DSCAML1: variants seen among roughly 807,000 people sequenced by gnomAD.
DSCAML1 encodes cell adhesion molecule DSCAML1.
In DSCAML1, 38 loss-of-function variants were observed where a neutral mutation model predicts 200.5. That is an observed-to-expected ratio of 0.19 (90% CI 0.15 to 0.25). The LOEUF (loss-of-function observed/expected upper bound fraction) is 0.25, where lower values mean the gene tolerates loss of function less well. DSCAML1 is among the 10% of genes least tolerant of loss of function. The probability of loss-of-function intolerance (pLI) is 1.00; values close to 1 mark genes in which losing one functional copy is unlikely to be tolerated. For synonymous variants in DSCAML1, 1,215 were observed against 1,165.0 expected, an observed-to-expected ratio of 1.04 and a Z score of -0.87; for missense variants, 2,223 against 2,858.8, an observed-to-expected ratio of 0.78 and a Z score of 5.07.
At chr11:117,595,474 A>T (rs1452681366) in intron 3 of DSCAML1, among the ~76,000 whole-genome samples, 2 of 152,148 alleles carry the variant, frequency 1.3e-5, no homozygotes, top group African/African-American at 4.8e-5. Flanking sequence ...TTTATATTCC[A>T]ATGAGGGCTT....
At position 117,667,644 on chromosome 11, in the gene DSCAML1, C is replaced by T. The variant is rs557644992; in HGVS notation, c.511+109147G>A. Among the ~76,000 whole-genome samples the T allele has an allele frequency of 3.9e-4, 59 of 152,310 alleles. 1 individual carries two copies. Among genetic ancestry groups the T allele is most frequent in the African/African-American group, 1.4e-3 (59 of 41,554 alleles). ...TCCAGGACTCAGTTTCCCACTAGCC[C>T]CTCAGCCTGACTTCCTCCTCTGTTT... On this transcript the variant is annotated intron_variant, in intron 3 of 32. Coordinates refer to ENST00000651296, the MANE Select transcript of DSCAML1 (RefSeq NM_020693.4).
chr11:117,671,270 G>A lies in DSCAML1; in HGVS notation c.511+105521C>T, dbSNP rs548293085. Among the ~76,000 whole-genome samples the A allele has an allele frequency of 6.6e-5, 10 of 152,286 alleles. No homozygotes were observed. In the South Asian group the frequency reaches 1.5e-3, roughly 22 times the overall value. Reference sequence around the variant, plus strand: ...AGAAATCATGGAGCCCCAAACCCTCGCTTCATAGAGCAGCTTCCAGAGGCC... The same window carrying A: ...AGAAATCATGGAGCCCCAAACCCTCACTTCATAGAGCAGCTTCCAGAGGCC... On this transcript the variant is annotated intron_variant, in intron 3 of 32. Coordinates refer to ENST00000651296, the MANE Select transcript of DSCAML1 (RefSeq NM_020693.4).
At chr11:117,431,221 A>G (rs900905329) in intron 31 of DSCAML1, among the ~76,000 whole-genome samples, 188 bp from the exon 32 acceptor site, 3 of 152,196 alleles carry the variant, frequency 2.0e-5, no homozygotes, top group Middle Eastern at 3.2e-3. Flanking sequence ...GAAGGGCAGA[A>G]CACCTTTCAT....
intron 19 of DSCAML1, among the ~76,000 whole-genome samples, chr11:117,457,954 C>T (rs555800153): frequency 6.6e-5 from 10 of 152,310 alleles, no homozygotes; most frequent in Admixed American, 3.3e-4. Flanking sequence ...ACGGGGCACC[C>T]GGCCCAGAGC....
chr11:117,616,657 A>G (rs1347302631), intron 3 of DSCAML1, among the ~76,000 whole-genome samples: 1 of 152,218 alleles, frequency 6.6e-6, no homozygotes, highest in Non-Finnish European at 1.5e-5. Flanking sequence ...GGAGGGAGTT[A>G]GTGACTGGAA....
intron 3 of DSCAML1, among the ~76,000 whole-genome samples, chr11:117,571,603 A>G (rs558762664): frequency 6.6e-6 from 1 of 152,264 alleles, no homozygotes; most frequent in South Asian, 2.1e-4. Context: ...GCTATTTGAG[A>G]GGAAGGTGAA....
chr11:117,710,839 A>T (rs1447929326), intron 3 of DSCAML1, among the ~76,000 whole-genome samples: 3 of 152,204 alleles, frequency 2.0e-5, no homozygotes, highest in Non-Finnish European at 4.4e-5. Flanking sequence ...ACAAGTTGAC[A>T]ATCTAACTGG....
intron 3 of DSCAML1, among the ~76,000 whole-genome samples, chr11:117,588,545 G>GCAAA (rs1430223048): frequency 6.6e-6 from 1 of 152,194 alleles, no homozygotes; most frequent in African/African-American, 2.4e-5. Flanking sequence ...AGGTTATCAT[G>GCAAA]CAAACACACA....
chr11:117,466,290 G>T (rs1235894528), intron 16 of DSCAML1, among the ~76,000 whole-genome samples: 1 of 152,238 alleles, frequency 6.6e-6, no homozygotes, highest in South Asian at 2.1e-4. Flanking sequence ...ACTGACATCC[G>T]TCACAGCGCG....
At chr11:117,464,815 C>A in intron 17 of DSCAML1, 127 bp downstream of exon 17, 3 of 1,421,040 alleles carry the variant, frequency 2.1e-6, no homozygotes, top group Non-Finnish European at 2.8e-6. Context: ...ATGCAGGGAG[C>A]CTGCGTGGAC....
chr11:117,577,456 CCTT>C (rs1565801515), intron 3 of DSCAML1, among the ~76,000 whole-genome samples: 7 of 57,630 alleles, frequency 1.2e-4, no homozygotes, highest in African/African-American at 1.9e-4. Flanking sequence ...TTCCTTCCTT[CCTT>C]TCCTTCCTTC....
At chr11:117,456,293 C>T (rs183885954) in intron 19 of DSCAML1, among the ~76,000 whole-genome samples, 6 of 152,290 alleles carry the variant, frequency 3.9e-5, no homozygotes, top group Non-Finnish European at 8.8e-5. Context: ...CTTAACCAAC[C>T]CTGGAGCTGT....
intron 12 of DSCAML1, 102 bp downstream of exon 12, chr11:117,481,861 C>A (rs2048929269): frequency 4.4e-6 from 6 of 1,372,578 alleles, no homozygotes; most frequent in African/African-American, 4.3e-5. Flanking sequence ...TGGGGAGGGG[C>A]TCCCAGGCTC....
chr11:117,733,067 G>C (rs186503983), intron 3 of DSCAML1, among the ~76,000 whole-genome samples: 1 of 152,224 alleles, frequency 6.6e-6, no homozygotes, highest in Non-Finnish European at 1.5e-5. Flanking sequence ...ATCATCAGGG[G>C]TGAACTGGCA....
chr11:117,512,674 ACACACACAC>A (rs2049655452), intron 8 of DSCAML1, among the ~76,000 whole-genome samples: 1 of 76,730 alleles, frequency 1.3e-5, no homozygotes, highest in Non-Finnish European at 3.2e-5. Context: ...ACACACACAC[ACACACACAC>A]ACATGCCTGC....
chr11:117,472,126 T>G, intron 14 of DSCAML1, 90 bp from the exon 15 acceptor site: 3 of 1,480,694 alleles, frequency 2.0e-6, no homozygotes, highest in Non-Finnish European at 2.8e-6. Flanking sequence ...CAATATTAAG[T>G]TGGATGCCCG....
In DSCAML1 at chr11:117,505,351, C is replaced by T. The variant is rs1234007186; in HGVS notation, c.2062+103G>A. ...ACAGGCCCTTCAAGATGCTGGAGCC[C>T]ACCTTCCATGAGCCCGTGATTGGAA... On this transcript the variant is annotated intron_variant, in intron 9 of 32. Transcript: ENST00000651296. The surrounding 1 kb of genome is among the most constrained non-coding windows in gnomAD (Gnocchi z 6.7). The T allele has an allele frequency of 2.7e-6, 4 of 1,469,798 alleles. No homozygotes were observed. Among genetic ancestry groups the T allele is most frequent in the Non-Finnish European group, 3.7e-6 (4 of 1,094,090 alleles). 91.0% of individuals were successfully genotyped at this position (1,469,798 alleles called of 1,614,324 possible).
At chr11:117,556,051 T>C (rs1157222915) in intron 3 of DSCAML1, among the ~76,000 whole-genome samples, 1 of 152,172 alleles carries the variant, frequency 6.6e-6, no homozygotes, top group Non-Finnish European at 1.5e-5. Flanking sequence ...TGCCACTTAT[T>C]GATGTCAGTT....
In DSCAML1 at chr11:117,518,864, A is replaced by G; in HGVS notation, c.1214-102T>C. 7.6e-7 allele frequency: 1 copy of G among 1,311,712 alleles called. No individual in the cohort carries two copies. Among genetic ancestry groups the G allele is most frequent in the Non-Finnish European group, 1.0e-6 (1 of 980,286 alleles). The allele number at this position is 1,311,712 out of a possible 1,614,324, so 81.3% of individuals were successfully genotyped here. A position where few individuals can be genotyped will look rare whatever the true frequency, so the allele number is the denominator to read the frequency against. On this transcript the variant is annotated intron_variant, in intron 6 of 32. Transcript: ENST00000651296. This position sits in a 1 kb window ranked among gnomAD's most constrained non-coding sequence, Gnocchi z 6.3. ...GGGGAGGAGGCAAAAAGCAGCCATAAGAGCAAACAAGAACTTTTGTGTACA... is the reference window on the plus strand; with the variant it reads ...GGGGAGGAGGCAAAAAGCAGCCATAGGAGCAAACAAGAACTTTTGTGTACA...
Sources: gnomAD v4.1 joint callset for allele counts (sites outside exome capture counted in the v4.1 genomes callset) on GRCh38, gnomAD v4.1.1 for gene constraint, Gnocchi (gnomAD v3.1) non-coding constraint, MANE v1.5 for transcripts, NCBI Gene and HGNC (gene_info 2026-07-23, HGNC 2026-07-21) for gene names.